BRPF3: variants seen among roughly 807,000 people sequenced by gnomAD.
BRPF3 encodes bromodomain and PHD finger containing 3, also known as bromodomain and PHD finger-containing protein 3.
In BRPF3, 18 loss-of-function variants were observed where a neutral mutation model predicts 102.0. That is an observed-to-expected ratio of 0.18 (90% confidence interval 0.12 to 0.26). BRPF3 has a LOEUF of 0.26. Ranked by LOEUF, BRPF3 falls within the 10% of genes least tolerant of loss-of-function variation. The pLI, the probability that BRPF3 is intolerant of heterozygous loss-of-function variation, is 1.00. For synonymous variants in BRPF3, 570 were observed against 614.2 expected (o/e 0.93, Z 1.06); for missense variants, 1,147 against 1,567.8 (o/e 0.73, Z 4.53).
chr6:36,199,115 C>G (rs1767605090), intron 1 of BRPF3, among the ~76,000 whole-genome samples: 1 of 152,164 alleles, frequency 6.6e-6, no homozygotes, highest in African/African-American at 2.4e-5. Context: ...TCCCAACCCC[C>G]AGGCCGCAGA....
At position 36,200,384 on chromosome 6, in the gene BRPF3, A is replaced by G. The variant is rs142960302; in HGVS notation, c.62A>G (p.Tyr21Cys). The change falls in exon 2 of 13, where the codon TAC becomes TGC. Residue 21 changes from tyrosine (Y) to cysteine (C), a missense_variant. Around this residue, in one of 11 missense-constraint regions of BRPF3, gnomAD observed 38 missense variants for 34.3 expected, o/e 1.11. Transcript: ENST00000357641. This position sits in a 1 kb window ranked among gnomAD's most constrained non-coding sequence, Gnocchi z 5.3. Reference sequence around the variant, plus strand: ...GAGGGCCGGCGTTCCCCGTCCCCCTACAGTCTCAAGTGCTCACCCACCCGG... The same window carrying G: ...GAGGGCCGGCGTTCCCCGTCCCCCTGCAGTCTCAAGTGCTCACCCACCCGG... ...NAEGRRSPSP[Y>C]SLKCSPTRET... is the part of the protein sequence containing the mutation. 1.9e-6 allele frequency: 3 copies of G among 1,614,232 alleles called. No homozygotes were observed. Among genetic ancestry groups the G allele is most frequent in the Non-Finnish European group, 2.5e-6 (3 of 1,180,024 alleles).
At chr6:36,222,523 G>A (rs1768587221) in intron 10 of BRPF3, among the ~76,000 whole-genome samples, 1 of 151,804 alleles carries the variant, frequency 6.6e-6, no homozygotes, top group Non-Finnish European at 1.5e-5. Context: ...AGTGTATAAT[G>A]AAAGCTAGCA....
At chr6:36,207,774 G>T (rs746521995) in intron 4 of BRPF3, among the ~76,000 whole-genome samples, 1 of 152,148 alleles carries the variant, frequency 6.6e-6, no homozygotes, top group Non-Finnish European at 1.5e-5. Flanking sequence ...CATTCTCATG[G>T]GCATCATCAG....
At chr6:36,198,480 G>C (rs1767585988) in intron 1 of BRPF3, among the ~76,000 whole-genome samples, 1 of 152,188 alleles carries the variant, frequency 6.6e-6, no homozygotes, top group East Asian at 1.9e-4. Flanking sequence ...GAGGAATTGA[G>C]CATCGGAAGA....
At chr6:36,222,069 G>A (rs1228100589) in intron 9 of BRPF3, 99 bp from the exon 10 acceptor site, 5 of 1,198,684 alleles carry the variant, frequency 4.2e-6, no homozygotes, top group Non-Finnish European at 6.0e-6. Flanking sequence ...AGTTTTTGCA[G>A]CTCCACTCCT....
Position 36,201,790 on chromosome 6 carries a change from C to T in BRPF3, c.1448+20C>T, listed in dbSNP as rs1421169322. The T allele has an allele frequency of 6.4e-7, 1 of 1,568,810 alleles. No homozygotes were observed. Among genetic ancestry groups the T allele is most frequent in the Admixed American group, 1.9e-5 (1 of 53,962 alleles). ...TTACAGGTAAGCATGCCCAGAAGGG[C>T]TCCTTAGGGACTCATGGTTTCTTCT... On this transcript the variant is annotated intron_variant, in intron 2 of 12. Transcript: ENST00000357641. This position sits in a 1 kb window ranked among gnomAD's most constrained non-coding sequence, Gnocchi z 5.1.
intron 8 of BRPF3, among the ~76,000 whole-genome samples, chr6:36,215,047 G>A (rs930715025): frequency 6.6e-5 from 10 of 152,144 alleles, no homozygotes; most frequent in African/African-American, 2.4e-4. Flanking sequence ...TGCAGCAGAG[G>A]GGGTGGGGTG....
rs1026818943 is a variant in BRPF3 at position 36,228,816 on chromosome 6, G to A, written c.3280-86G>A. ...CTCAGGCCTGATACTCCCCTGGTGT[G>A]GGTGCTTCAGCAGTTGGTCCTGCAG... On this transcript the variant is annotated intron_variant, in intron 11 of 12. Transcript: ENST00000357641. The A allele has an allele frequency of 3.6e-5, 54 of 1,481,684 alleles. No individual in the cohort carries two copies. The East Asian group carries it at 1.2e-3, about 32-fold the overall frequency. The allele number at this position is 1,481,684 out of a possible 1,614,324, so 91.8% of individuals were successfully genotyped here. A position where few individuals can be genotyped will look rare whatever the true frequency, so the allele number is the denominator to read the frequency against.
At chr6:36,219,809 T>C (rs1487510691) in intron 9 of BRPF3, among the ~76,000 whole-genome samples, 1 of 152,230 alleles carries the variant, frequency 6.6e-6, no homozygotes, top group African/African-American at 2.4e-5. Context: ...CAGAATCATA[T>C]AATCCCAGAA....
Position 36,230,471 on chromosome 6 carries a change from C to T in BRPF3, c.3480C>T (p.Asp1160=). 3 of 1,614,186 alleles carry T rather than the reference C, an allele frequency of 1.9e-6. No individual in the cohort carries two copies. Among genetic ancestry groups the T allele is most frequent in the Non-Finnish European group, 2.5e-6 (3 of 1,180,004 alleles). ...AAGTCCTGCCCTTGGGTGTGGAAGA[C>T]ACCGTGGACAAGCTCAAGATGCTGG... is the stretch of plus-strand genomic sequence containing the variant. The part of the protein sequence containing the change: ...RDKVLPLGVE[D]TVDKLKMLEG... Residue 1160 remains aspartate, a synonymous_variant, in exon 13 of 13, where the codon GAC becomes GAT. Transcript: ENST00000357641. The surrounding 1 kb of genome is among the most constrained non-coding windows in gnomAD (Gnocchi z 5.4).
rs764335120 is a variant in BRPF3, at chr6:36,200,799, G to A, written c.477G>A (p.Glu159=). ...AGGTAGAGTATGACATGGATGAGGA[G>A]GACCTTGCCTGGCTGGACATGGTGA... ...DAEVEYDMDE[E]DLAWLDMVNE... Residue 159 remains glutamate, a synonymous_variant, in exon 2 of 13, where the codon GAG becomes GAA. Coordinates refer to ENST00000357641, the MANE Select transcript of BRPF3 (RefSeq NM_015695.3). The surrounding 1 kb of genome is among the most constrained non-coding windows in gnomAD (Gnocchi z 5.3). 1 of 1,614,182 alleles carries A rather than the reference G, an allele frequency of 6.2e-7. No homozygotes were observed. The highest frequency in any genetic ancestry group is 2.2e-5 in the East Asian group (1 of 44,874).
At chr6:36,227,236 C>CTTGTTT (rs143257615) in intron 11 of BRPF3, among the ~76,000 whole-genome samples, 2,059 of 150,392 alleles carry the variant, frequency 0.014, 38 homozygotes, top group African/African-American at 0.041. Context: ...AACATTTTTT[C>CTTGTTT]TTGTTTTTGT....
intron 9 of BRPF3, among the ~76,000 whole-genome samples, chr6:36,219,412 C>G (rs1390661112): frequency 1.3e-5 from 2 of 152,156 alleles, no homozygotes; most frequent in African/African-American, 2.4e-5. Context: ...TTCCTGACTC[C>G]CTTCAAAGAT....
intron 7 of BRPF3, among the ~76,000 whole-genome samples, chr6:36,211,933 C>T (rs140067178): frequency 9.3e-4 from 142 of 152,202 alleles, no homozygotes; most frequent in African/African-American, 3.3e-3. Context: ...TTGTACATAC[C>T]AGTTAAATAT....
rs1768040411 is a variant in BRPF3, at chr6:36,209,940, A to G, written c.1866+25A>G. On this transcript the variant is annotated intron_variant, in intron 5 of 12. Coordinates refer to ENST00000357641, the MANE Select transcript of BRPF3 (RefSeq NM_015695.3). ...GGCAAGTTCCCCCTACTTTCCAAGT[A>G]GTAAATTCTTCTTGAACTGGAACAG... The G allele has an allele frequency of 4.3e-6, 7 of 1,612,966 alleles. No individual in the cohort carries two copies. The East Asian group carries it at 1.3e-4, about 31-fold the overall frequency.
chr6:36,210,442 A>G lies in BRPF3; in HGVS notation c.2093A>G (p.Glu698Gly). The G allele has an allele frequency of 1.2e-6, 2 of 1,611,996 alleles. No individual in the cohort carries two copies. The highest frequency in any genetic ancestry group is 1.7e-6 in the Non-Finnish European group (2 of 1,180,018). Residue 698 changes from glutamate to glycine, a missense_variant, in exon 6 of 13, where the codon GAG becomes GGG. Physicochemically the swap from Glu to Gly is moderately conservative, Grantham distance 98. Coordinates refer to ENST00000357641, the MANE Select transcript of BRPF3 (RefSeq NM_015695.3). This position sits in a 1 kb window ranked among gnomAD's most constrained non-coding sequence, Gnocchi z 4.7. Reference sequence around the variant, plus strand: ...CTACGGCACGCCCGGCGGCAGGCAGAGAACATCGGCTATGACCCCGAGAGG... The same window carrying G: ...CTACGGCACGCCCGGCGGCAGGCAGGGAACATCGGCTATGACCCCGAGAGG... ...AILRHARRQA[E>G]NIGYDPERGT... is the part of the protein sequence containing the mutation.
At chr6:36,225,220 T>C in intron 10 of BRPF3, 47 bp from the exon 11 acceptor site, 2 of 1,555,860 alleles carry the variant, frequency 1.3e-6, no homozygotes, top group Non-Finnish European at 1.8e-6. Context: ...TTGGGCACCA[T>C]TCCAAGTCCC....
chr6:36,208,481 G>GA (rs148078174), intron 4 of BRPF3, among the ~76,000 whole-genome samples: 12 of 148,772 alleles, frequency 8.1e-5, no homozygotes, highest in East Asian at 1.9e-4. Context: ...ACAAAAAGGG[G>GA]AAAAAAAAAA....
At position 36,211,408 on chromosome 6, in the gene BRPF3, C is replaced by T; in HGVS notation, c.2330C>T (p.Ala777Val). The change falls in exon 7 of 13, where the codon GCC becomes GTC. Residue 777 changes from alanine (A) to valine (V), a missense_variant. Ala to Val is a moderately conservative substitution (Grantham distance 64). Coordinates refer to ENST00000357641, the MANE Select transcript of BRPF3 (RefSeq NM_015695.3). ...RVRLLRREINALRQKLAQPPP... is the reference protein window; with the variant it reads ...RVRLLRREINVLRQKLAQPPP... ...CGCCTGCTACGCCGGGAGATCAATG[C>T]CCTTCGGCAGAAGCTGGCACAGCCA... 1 of 1,613,872 alleles carries T rather than the reference C, an allele frequency of 6.2e-7. No homozygotes were observed. The highest frequency in any genetic ancestry group is 8.5e-7 in the Non-Finnish European group (1 of 1,179,878).
Sources: gnomAD v4.1 joint callset for allele counts (sites outside exome capture counted in the v4.1 genomes callset) on GRCh38, gnomAD v4.1.1 for gene constraint, gnomAD v4.1.1 regional missense constraint, Gnocchi (gnomAD v3.1) non-coding constraint, MANE v1.5 for transcripts, NCBI Gene and HGNC (gene_info 2026-07-23, HGNC 2026-07-21) for gene names.